SSX5: variants seen among roughly 807,000 people sequenced by gnomAD.
SSX5 encodes the protein protein SSX5.
Under a neutral mutation model 14.9 loss-of-function variants are expected in SSX5, and 14 were observed. The ratio of observed to expected loss-of-function variants is 0.94; its 90% confidence interval spans 0.62 to 1.47. The LOEUF (loss-of-function observed/expected upper bound fraction) is 1.47. Ranked by LOEUF, SSX5 falls within the 40% of genes most tolerant of loss-of-function variation. The pLI is 0.00. For missense variants in SSX5, 204 were observed against 154.6 expected, an observed-to-expected ratio of 1.32 and a Z score of -1.70; for synonymous variants, 70 against 55.4, an observed-to-expected ratio of 1.26 and a Z score of -1.17.
intron 6 of SSX5, 54 bp downstream of exon 6, chrX:48,190,079 C>T: frequency 8.3e-7 from 1 of 1,199,253 alleles, no homozygotes; most frequent in African/African-American, 1.7e-5. Context: ...AGTCCACACA[C>T]CTGAACTTAG....
intron 2 of SSX5, 65 bp from the exon 3 acceptor site, chrX:48,194,919 C>T (rs1357109136): frequency 6.6e-6 from 8 of 1,205,291 alleles, no homozygotes; most frequent in African/African-American, 5.2e-5. Flanking sequence ...CAGCTGGAGC[C>T]GCTTCCTGTG....
intron 2 of SSX5, 153 bp from the exon 3 acceptor site, chrX:48,195,007 C>T (rs2059434991): frequency 8.3e-7 from 1 of 1,211,630 alleles, no homozygotes; most frequent in Non-Finnish European, 1.1e-6. Context: ...GGGCACCTAC[C>T]CTAGCTTCTC....
chrX:48,194,527 C>A (rs1208097965), intron 3 of SSX5, among the ~76,000 whole-genome samples: 1 of 110,601 alleles, frequency 9.0e-6, no homozygotes, highest in Non-Finnish European at 1.9e-5. Context: ...GGGAGAGAAA[C>A]GTGCAGGATC....
chrX:48,187,004 G>T, intron 7 of SSX5, 148 bp from the exon 8 acceptor site: 1 of 707,006 alleles, frequency 1.4e-6, no homozygotes, highest in Non-Finnish European at 2.2e-6. Context: ...GTTCCTTGAA[G>T]TGAACCATCT....
intron 5 of SSX5, among the ~76,000 whole-genome samples, chrX:48,191,102 A>C (rs1317883593): frequency 9.1e-6 from 1 of 109,536 alleles, no homozygotes; most frequent in Non-Finnish European, 1.9e-5. Context: ...ACGAGGTTTC[A>C]CCATGGTGGG....
rs61004107 is a variant in SSX5 at position 48,186,365 on chromosome X, G to GGT, written c.*494_*495dup. 509 of 130,386 alleles carry GGT rather than the reference G, an allele frequency of 3.9e-3. 3 individuals are homozygous for GGT. The highest frequency in any genetic ancestry group is 0.019 in the African/African-American group (466 of 24,933). The allele number at this position is 130,386 out of a possible 1,213,427, so 10.7% of individuals were successfully genotyped here. A position where few individuals can be genotyped will look rare whatever the true frequency, so the allele number is the denominator to read the frequency against. On this transcript the variant is annotated 3_prime_UTR_variant, in exon 8 of 8. Transcript: ENST00000347757. The stretch of plus-strand genomic sequence containing the variant: ...TTGGGAGATGCCTATACTGGTACTT[G>GGT]GTGTGTGTGTGTGTGTGTGTGTGTG...
At position 48,190,209 on chromosome X, in the gene SSX5, A is replaced by T. The variant is rs200793110; in HGVS notation, c.390T>A (p.Ser130=). The change falls in exon 6 of 8, where the codon TCT becomes TCA. Residue 130 remains serine (S), a synonymous_variant. Coordinates refer to ENST00000347757, the MANE Select transcript of SSX5 (RefSeq NM_175723.2). ...GNDSKGVPEA[S]GPQNNGKQLR... ...GCTGTTTCCCATTGTTCTGTGGGCC[A>T]GATGCTTCTGGCACTCCCTTCGAAT... 3.0e-5 allele frequency: 36 copies of T among 1,207,050 alleles called. No homozygotes were observed. Among genetic ancestry groups the T allele is most frequent in the Non-Finnish European group, 4.0e-5 (36 of 894,137 alleles).
intron 5 of SSX5, 23 bp downstream of exon 5, chrX:48,192,209 C>T (rs1275001985): frequency 8.3e-7 from 1 of 1,209,251 alleles, no homozygotes; most frequent in Non-Finnish European, 1.1e-6. Context: ...TTCTCTGGTC[C>T]TTTAGATTTG....
chrX:48,195,892 G>C (rs1366342809), intron 1 of SSX5, among the ~76,000 whole-genome samples: 1 of 111,379 alleles, frequency 9.0e-6, no homozygotes, highest in Non-Finnish European at 1.9e-5. Flanking sequence ...GGATTTAGAA[G>C]CTATTACTGG....
In SSX5 at chrX:48,187,696, C is replaced by G. The variant is rs145558887; in HGVS notation, c.502G>C (p.Val168Leu). 879 of 1,207,448 alleles carry G rather than the reference C, an allele frequency of 7.3e-4. 8 individuals are homozygous for G. The African/African-American group carries it at 0.012, about 16-fold the overall frequency. Residue 168 changes from valine to leucine, a missense_variant, in exon 7 of 8, where the codon GTG becomes CTG. Physicochemically the swap from Val to Leu is conservative, Grantham distance 32 (BLOSUM62 1). Coordinates refer to ENST00000347757, the MANE Select transcript of SSX5 (RefSeq NM_175723.2). ...KRGKHAWTHRVRERKQLVIYE... is the reference protein window; with the variant it reads ...KRGKHAWTHRLRERKQLVIYE... The stretch of plus-strand genomic sequence containing the variant: ...ATCACCAGTTGCTTTCTCTCACGCA[C>G]TCTGTGGGTCCAGGCATGTTTCCCC...
At chrX:48,196,530 C>T (rs1435151866) in intron 1 of SSX5, among the ~76,000 whole-genome samples, 1 of 109,740 alleles carries the variant, frequency 9.1e-6, no homozygotes, top group Non-Finnish European at 1.9e-5. Context: ...AAGTGTGAGC[C>T]ACCGCGCCCC....
At chrX:48,196,188 G>A (rs1260500735) in intron 1 of SSX5, among the ~76,000 whole-genome samples, 1 of 111,167 alleles carries the variant, frequency 9.0e-6, no homozygotes, top group Non-Finnish European at 1.9e-5. Flanking sequence ...ACTTTGGGAG[G>A]CCAAGGTGGG....
chrX:48,192,753 C>T (rs1238624809), intron 4 of SSX5, among the ~76,000 whole-genome samples: 2 of 112,181 alleles, frequency 1.8e-5, no homozygotes, highest in Non-Finnish European at 3.8e-5. Context: ...ACGTCAAAAA[C>T]TTGGCAGATA....
rs1189186037 is a variant in SSX5, at chrX:48,186,719, C to T, written c.*142G>A. 130 of 1,106,712 alleles carry T rather than the reference C, an allele frequency of 1.2e-4. No homozygotes were observed. In the Admixed American group the frequency reaches 2.2e-3, roughly 19 times the overall value. 91.2% of individuals were successfully genotyped at this position (1,106,712 alleles called of 1,213,427 possible). On this transcript the variant is annotated 3_prime_UTR_variant, in exon 8 of 8. Coordinates refer to ENST00000347757, the MANE Select transcript of SSX5 (RefSeq NM_175723.2). ...ACTCTTGGCACACTAAGAAAAATGACGCTCAACTTTTCACTGTTGTGAACA... is the reference window on the plus strand; with the variant it reads ...ACTCTTGGCACACTAAGAAAAATGATGCTCAACTTTTCACTGTTGTGAACA...
chrX:48,192,241 G>C lies in SSX5; in HGVS notation c.321C>G (p.Ile107Met), dbSNP rs2059422952. 8.3e-7 allele frequency: 1 copy of C among 1,209,709 alleles called. No homozygotes were observed. Among genetic ancestry groups the C allele is most frequent in the South Asian group, 1.8e-5 (1 of 56,783 alleles). ...PQMTFGRLQGIFPKITPEKPA... is the reference protein window; with the variant it reads ...PQMTFGRLQGMFPKITPEKPA... Reference sequence around the variant, plus strand: ...TTTGAGAGACACTCACCTTCGGGAAGATTCCCTGGAGCCTGCCGAAAGTCA... The same window carrying C: ...TTTGAGAGACACTCACCTTCGGGAACATTCCCTGGAGCCTGCCGAAAGTCA... Residue 107 changes from isoleucine (I) to methionine (M), a missense_variant, in exon 5 of 8, where the codon ATC becomes ATG. By Grantham distance (10) the Ile-to-Met change is conservative. Coordinates refer to ENST00000347757, the MANE Select transcript of SSX5 (RefSeq NM_175723.2).
At position 48,187,302 on chromosome X, in the gene SSX5, G is replaced by GA. The variant is rs1296967121; in HGVS notation, c.*4+324dup. ...AACCCTGTCTCTACTAAAAATACAA[G>GA]AAAAAAAATTACCCGGTCGTGGTGG... On this transcript the variant is annotated intron_variant, in intron 7 of 7. Coordinates refer to ENST00000347757, the MANE Select transcript of SSX5 (RefSeq NM_175723.2). Among the ~76,000 whole-genome samples the GA allele has an allele frequency of 2.4e-3, 270 of 110,215 alleles. 1 individual carries two copies. The highest frequency in any genetic ancestry group is 8.5e-3 in the African/African-American group (256 of 30,291).
In SSX5 at chrX:48,186,781, T is replaced by G; in HGVS notation, c.*80A>C. On this transcript the variant is annotated 3_prime_UTR_variant, in exon 8 of 8. Transcript: ENST00000347757. ...TTGCTATACACCTGATGACGAGGGA[T>G]CCGCAGCCATGCCCATGTTCGTGAA... The G allele has an allele frequency of 8.4e-7, 1 of 1,197,005 alleles. No individual in the cohort carries two copies. The highest frequency in any genetic ancestry group is 1.1e-6 in the Non-Finnish European group (1 of 894,300).
At chrX:48,190,862 C>A (rs1556924627) in intron 5 of SSX5, among the ~76,000 whole-genome samples, 2 of 110,925 alleles carry the variant, frequency 1.8e-5, no homozygotes, top group Admixed American at 9.6e-5. Flanking sequence ...GTACCCATAA[C>A]AATTCTGGTT....
chrX:48,191,152 C>T (rs2059418479), intron 5 of SSX5, among the ~76,000 whole-genome samples: 1 of 110,658 alleles, frequency 9.0e-6, no homozygotes, highest in African/African-American at 3.3e-5. Context: ...ATCTGCCCGC[C>T]TCAGCCTCCC....
Sources: gnomAD v4.1 joint callset for allele counts (sites outside exome capture counted in the v4.1 genomes callset) on GRCh38, gnomAD v4.1.1 for gene constraint, MANE v1.5 for transcripts, NCBI Gene and HGNC (gene_info 2026-07-23, HGNC 2026-07-21) for gene names.